The following CSMD1 variants were observed in gnomAD, a reference collection of about 807,000 sequenced individuals.
CSMD1 encodes the protein CUB and Sushi multiple domains 1.
CSMD1 carries 213 observed loss-of-function variants against 417.5 expected under a neutral mutation model. The observed-to-expected ratio is 0.51, with a 90% CI of 0.46 to 0.57. The LOEUF (loss-of-function observed/expected upper bound fraction) is 0.57. CSMD1 is among the 20% of genes least tolerant of loss of function. The pLI is 0.00. For synonymous variants in CSMD1, 2,862 were observed against 1,736.8 expected (o/e 1.65, Z -16.11); for missense variants, 6,923 against 4,529.7 (o/e 1.53, Z -15.17).
At chr8:4,402,166 A>G (rs1804689157) in intron 3 of CSMD1, among the ~76,000 whole-genome samples, 1 of 152,062 alleles carries the variant, frequency 6.6e-6, no homozygotes, top group Admixed American at 6.6e-5. Context: ...CCCTAATACC[A>G]ACCACATCTA....
At chr8:4,900,066 C>G (rs1199094615) in intron 1 of CSMD1, among the ~76,000 whole-genome samples, 1 of 152,284 alleles carries the variant, frequency 6.6e-6, no homozygotes, top group Middle Eastern at 3.4e-3. Context: ...TCCTCCATCT[C>G]TGGTAGTTCC....
At chr8:4,137,466 A>AGGT (rs1803508238) in intron 3 of CSMD1, among the ~76,000 whole-genome samples, 1 of 111,638 alleles carries the variant, frequency 9.0e-6, no homozygotes, top group Admixed American at 9.6e-5. Context: ...GTATTTTAAA[A>AGGT]GGTAATTTTC....
chr8:3,323,757 C>A (rs991188931), intron 23 of CSMD1, among the ~76,000 whole-genome samples: 1 of 136,946 alleles, frequency 7.3e-6, no homozygotes. Context: ...TTCACCCCAC[C>A]TTTCATCATT....
chr8:4,648,224 G>A (rs1054133237), intron 1 of CSMD1, among the ~76,000 whole-genome samples: 1 of 152,188 alleles, frequency 6.6e-6, no homozygotes, highest in Non-Finnish European at 1.5e-5. Flanking sequence ...CTTTTGAGAA[G>A]TGTCTGTTCA....
intron 25 of CSMD1, among the ~76,000 whole-genome samples, chr8:3,285,886 GGTTT>G (rs1803116153): frequency 1.3e-5 from 2 of 151,986 alleles, no homozygotes; most frequent in Non-Finnish European, 2.9e-5. Context: ...ACAACGTGCA[GGTTT>G]GTTACATGTG....
At chr8:3,540,248 T>C (rs1193042333) in intron 10 of CSMD1, among the ~76,000 whole-genome samples, 3 of 152,194 alleles carry the variant, frequency 2.0e-5, no homozygotes, top group South Asian at 2.1e-4. Context: ...ACTTCCTGAT[T>C]CAACTTACTT....
chr8:4,965,446 T>C (rs180968591), intron 1 of CSMD1, among the ~76,000 whole-genome samples: 1 of 152,368 alleles, frequency 6.6e-6, no homozygotes, highest in Non-Finnish European at 1.5e-5. Context: ...ATGAGTTGTC[T>C]CAGTGATAAT....
intron 1 of CSMD1, among the ~76,000 whole-genome samples, chr8:4,834,739 G>T (rs1027672339): frequency 2.0e-5 from 3 of 151,654 alleles, no homozygotes; most frequent in African/African-American, 7.3e-5. Flanking sequence ...GGCGGATCAC[G>T]ACATCAGGAG....
intron 1 of CSMD1, among the ~76,000 whole-genome samples, chr8:4,672,748 G>C (rs1192024596): frequency 1.3e-5 from 2 of 151,830 alleles, no homozygotes; most frequent in African/African-American, 2.4e-5. Context: ...CTCATACAGT[G>C]ACATACCCAG....
chr8:4,994,184 A>T, intron 1 of CSMD1, 148 bp downstream of exon 1: 2 of 675,414 alleles, frequency 3.0e-6, no homozygotes, highest in South Asian at 3.6e-5. Flanking sequence ...CCTCCCGTGC[A>T]TCGCGTTCCC....
chr8:3,540,399 T>C (rs760898276), intron 10 of CSMD1, among the ~76,000 whole-genome samples: 2 of 152,184 alleles, frequency 1.3e-5, no homozygotes, highest in Non-Finnish European at 2.9e-5. Context: ...GATTCAAGAC[T>C]TAAATGTAAA....
rs562097800 is a variant in CSMD1 at position 4,439,577 on chromosome 8, ATTTC to A, written c.303-19516_303-19513del. On this transcript the variant is annotated intron_variant, in intron 2 of 69. Transcript: ENST00000635120. ...AGTTTACTATCTGCTGAAAATACAT[ATTTC>A]TTTATTATTAACATACTTACATATT... Among the ~76,000 whole-genome samples the A allele has an allele frequency of 2.7e-3, 404 of 152,280 alleles. 3 individuals carry two copies. The highest frequency in any genetic ancestry group is 8.8e-3 in the African/African-American group (364 of 41,558).
At chr8:4,594,746 G>C (rs1563318757) in intron 2 of CSMD1, among the ~76,000 whole-genome samples, 1 of 152,006 alleles carries the variant, frequency 6.6e-6, no homozygotes, top group African/African-American at 2.4e-5. Flanking sequence ...TGTTCACATG[G>C]CTATCTTTCC....
chr8:3,837,275 A>G lies in CSMD1; in HGVS notation c.819-83233T>C, dbSNP rs570292933. ...ACCCTTTGTAATATCATTTTATTAGATAGATGAATCTCTTCAACAACAGAA... is the reference window on the plus strand; with the variant it reads ...ACCCTTTGTAATATCATTTTATTAGGTAGATGAATCTCTTCAACAACAGAA... On this transcript the variant is annotated intron_variant, in intron 5 of 69. Coordinates refer to ENST00000635120, the MANE Select transcript of CSMD1 (RefSeq NM_033225.6). 8.5e-5 allele frequency among the ~76,000 whole-genome samples: 13 copies of G among 152,304 alleles called. No homozygotes were observed. In the South Asian group the frequency reaches 2.7e-3, roughly 32 times the overall value.
chr8:3,634,397 T>C (rs958835209), intron 7 of CSMD1, among the ~76,000 whole-genome samples: 43 of 152,144 alleles, frequency 2.8e-4, no homozygotes, highest in African/African-American at 9.9e-4. Flanking sequence ...CAGGAGAGCT[T>C]CTGTGGTCTG....
At chr8:3,266,475 A>G (rs1801440189) in intron 26 of CSMD1, among the ~76,000 whole-genome samples, 1 of 151,616 alleles carries the variant, frequency 6.6e-6, no homozygotes, top group Non-Finnish European at 1.5e-5. Context: ...GCATGGTGGT[A>G]GGCACCTGTA....
intron 50 of CSMD1, among the ~76,000 whole-genome samples, chr8:3,035,492 C>G (rs1461240501): frequency 6.6e-6 from 1 of 152,136 alleles, no homozygotes; most frequent in Non-Finnish European, 1.5e-5. Flanking sequence ...TTTCCCTGAA[C>G]ACTAGAAACA....
chr8:4,365,787 C>T (rs1186091453), intron 3 of CSMD1, among the ~76,000 whole-genome samples: 1 of 152,182 alleles, frequency 6.6e-6, no homozygotes, highest in Non-Finnish European at 1.5e-5. Context: ...GTCCTGATTA[C>T]TCTTGGCATT....
At chr8:3,529,376 C>G (rs1797884369) in intron 10 of CSMD1, among the ~76,000 whole-genome samples, 1 of 152,156 alleles carries the variant, frequency 6.6e-6, no homozygotes. Context: ...GTAACTCCCT[C>G]TTAAAATAAT....
Sources: allele counts gnomAD v4.1 joint callset (sites outside exome capture counted in the v4.1 genomes callset), GRCh38; gene constraint gnomAD v4.1.1; transcripts MANE v1.5; gene names NCBI Gene and HGNC (gene_info 2026-07-23, HGNC 2026-07-21).